Variants in DPP10 observed in about 807,000 individuals in gnomAD.
DPP10 encodes the protein dipeptidyl peptidase like 10.
In DPP10, 33 loss-of-function variants were observed where a neutral mutation model predicts 120.9. The observed-to-expected ratio is 0.27, with a 90% CI of 0.21 to 0.37. DPP10 has a LOEUF of 0.37. DPP10 is among the 10% of genes least tolerant of loss of function. The pLI, the probability that DPP10 is intolerant of heterozygous loss-of-function variation, is 1.00. For synonymous variants in DPP10, 337 were observed against 326.1 expected (o/e 1.03, Z -0.36); for missense variants, 816 against 942.8 (o/e 0.87, Z 1.76).
intron 1 of DPP10, among the ~76,000 whole-genome samples, chr2:115,179,949 TAG>T (rs1416052422): frequency 6.6e-6 from 1 of 152,230 alleles, no homozygotes; most frequent in African/African-American, 2.4e-5. Context: ...TAAGATTCTG[TAG>T]AGATTATAGA....
At chr2:115,573,601 T>TG (rs2081475548) in intron 5 of DPP10, among the ~76,000 whole-genome samples, 1 of 134,086 alleles carries the variant, frequency 7.5e-6, no homozygotes. Flanking sequence ...TTTTTTTTTT[T>TG]TTTTGAGACA....
At chr2:115,206,364 T>C (rs1353161747) in intron 1 of DPP10, among the ~76,000 whole-genome samples, 1 of 152,130 alleles carries the variant, frequency 6.6e-6, no homozygotes, top group Non-Finnish European at 1.5e-5. Flanking sequence ...TAATTACTAT[T>C]CTCTGAAAAA....
chr2:115,640,549 A>G (rs5000559), intron 5 of DPP10, among the ~76,000 whole-genome samples: 3,231 of 151,910 alleles, frequency 0.021, 102 homozygotes, highest in African/African-American at 0.075. Flanking sequence ...TTTTTTGTCT[A>G]CTTTTTTGGG....
At chr2:114,733,055 G>T (rs1209630669) in intron 1 of DPP10, among the ~76,000 whole-genome samples, 34 of 152,166 alleles carry the variant, frequency 2.2e-4, no homozygotes, top group African/African-American at 8.2e-4. Flanking sequence ...TAAAGAAGAG[G>T]ACACATTGGG....
intron 1 of DPP10, among the ~76,000 whole-genome samples, chr2:114,776,833 C>T (rs1681790820): frequency 6.6e-6 from 1 of 151,750 alleles, no homozygotes; most frequent in Non-Finnish European, 1.5e-5. Flanking sequence ...AGTGGAGACA[C>T]CTCTCTGAGC....
chr2:115,402,857 A>ATATG (rs2068185438), intron 3 of DPP10, among the ~76,000 whole-genome samples: 1 of 113,976 alleles, frequency 8.8e-6, no homozygotes, highest in East Asian at 2.3e-4. Context: ...AAAAAAAAAT[A>ATATG]TATATATATA....
chr2:115,098,664 C>T (rs988853720), intron 1 of DPP10, among the ~76,000 whole-genome samples: 10 of 152,126 alleles, frequency 6.6e-5, no homozygotes, highest in African/African-American at 1.9e-4. Flanking sequence ...CGTCATTATG[C>T]GGTGCATGAG....
At chr2:114,835,559 A>G (rs994409874) in intron 1 of DPP10, 1 of 152,152 alleles carries the variant, frequency 6.6e-6, no homozygotes, top group African/African-American at 2.4e-5. Context: ...TCCTGCCAGT[A>G]CTAGCTGGCT....
At chr2:114,765,337 A>C (rs1680615814) in intron 1 of DPP10, among the ~76,000 whole-genome samples, 2 of 152,202 alleles carry the variant, frequency 1.3e-5, no homozygotes, top group South Asian at 4.1e-4. Flanking sequence ...TTTTCTGAGC[A>C]AAAGCTGTCT....
At chr2:114,548,605 G>T (rs1687616112) in intron 1 of DPP10, among the ~76,000 whole-genome samples, 1 of 152,190 alleles carries the variant, frequency 6.6e-6, no homozygotes, top group Non-Finnish European at 1.5e-5. Context: ...AATCTAGGTT[G>T]GTGGGTCTCT....
intron 1 of DPP10, among the ~76,000 whole-genome samples, chr2:114,539,133 TA>T (rs1434526483): frequency 6.7e-6 from 1 of 148,972 alleles, no homozygotes; most frequent in African/African-American, 2.4e-5. Context: ...TTTATATATA[TA>T]AATATATTTA....
At chr2:114,708,263 A>G (rs1368054303) in intron 1 of DPP10, among the ~76,000 whole-genome samples, 1 of 152,206 alleles carries the variant, frequency 6.6e-6, no homozygotes, top group African/African-American at 2.4e-5. Flanking sequence ...CACCAAAAGC[A>G]ATCCACTATG....
At chr2:114,958,871 G>C (rs1414301181) in intron 1 of DPP10, among the ~76,000 whole-genome samples, 1 of 152,048 alleles carries the variant, frequency 6.6e-6, no homozygotes, top group Non-Finnish European at 1.5e-5. Context: ...TACAAGGTAG[G>C]CTTTTTACAT....
chr2:115,686,939 A>G (rs2091021619), intron 5 of DPP10, among the ~76,000 whole-genome samples: 1 of 152,042 alleles, frequency 6.6e-6, no homozygotes, highest in Admixed American at 6.6e-5. Context: ...CATTACAGGA[A>G]AAACTGTTAC....
chr2:114,799,343 CAG>C (rs1252967437), intron 1 of DPP10, among the ~76,000 whole-genome samples: 1 of 152,130 alleles, frequency 6.6e-6, no homozygotes, highest in Non-Finnish European at 1.5e-5. Flanking sequence ...TAAGAGAAAA[CAG>C]AATTAGTAGG....
intron 5 of DPP10, chr2:115,579,065 C>T (rs961398026): frequency 1.3e-5 from 2 of 152,150 alleles, no homozygotes; most frequent in Non-Finnish European, 2.9e-5. Flanking sequence ...TAAATGTTAA[C>T]TTATTTCAAG....
rs76496590 is a variant in DPP10, at chr2:115,093,079, A to G, written c.61-216160A>G. ...GAAGATAGGAACTAGGAAATAGTAG[A>G]GATAAGGTGAAAGTCTAGCTTGAAC... is the stretch of plus-strand genomic sequence containing the variant. On this transcript the variant is annotated intron_variant, in intron 1 of 25. Transcript: ENST00000410059. Among the ~76,000 whole-genome samples, 1,326 of 152,298 alleles carry G rather than the reference A, an allele frequency of 8.7e-3. 22 individuals carry two copies. The highest frequency in any genetic ancestry group is 0.03 in the African/African-American group (1,258 of 41,562).
chr2:115,777,196 A>C lies in DPP10; in HGVS notation c.1222-12A>C. 1.2e-6 allele frequency: 2 copies of C among 1,610,740 alleles called. No homozygotes were observed. Among genetic ancestry groups the C allele is most frequent in the Non-Finnish European group, 1.7e-6 (2 of 1,177,668 alleles). ...AATGAAAGGAAAATCAATATTTTCT[A>C]TTTCTTTGCAGAGTAAAAGTGAGCA... is the stretch of plus-strand genomic sequence containing the variant. On this transcript the variant is annotated splice_polypyrimidine_tract_variant and intron_variant, in intron 13 of 25. Transcript: ENST00000410059.
At chr2:114,630,782 A>T (rs1269522763) in intron 1 of DPP10, among the ~76,000 whole-genome samples, 1 of 151,426 alleles carries the variant, frequency 6.6e-6, no homozygotes, top group Non-Finnish European at 1.5e-5. Context: ...GAGTTTTAGA[A>T]AAGATTTGTA....
Sources: allele counts gnomAD v4.1 joint callset (sites outside exome capture counted in the v4.1 genomes callset), GRCh38; gene constraint gnomAD v4.1.1; transcripts MANE v1.5; gene names NCBI Gene and HGNC (gene_info 2026-07-23, HGNC 2026-07-21).